Variants in XYLT1 observed in about 807,000 individuals in gnomAD.
XYLT1 encodes xylosyltransferase 1, also known as beta-D-xylosyltransferase 1.
XYLT1 carries 36 observed loss-of-function variants against 91.3 expected under a neutral mutation model. The ratio of observed to expected loss-of-function variants is 0.39; its 90% CI spans 0.30 to 0.52. The LOEUF is 0.52. Ranked by LOEUF, XYLT1 falls within the 20% of genes least tolerant of loss-of-function variation. The pLI is 0.68. For synonymous variants in XYLT1, 588 were observed against 532.0 expected, an observed-to-expected ratio of 1.11 and a Z score of -1.45; for missense variants, 1,242 against 1,284.5, an observed-to-expected ratio of 0.97 and a Z score of 0.51.
chr16:17,375,674 C>G (rs2035590442), intron 1 of XYLT1, among the ~76,000 whole-genome samples: 2 of 152,226 alleles, frequency 1.3e-5, no homozygotes, highest in African/African-American at 4.8e-5. Context: ...CAAGAGCAGT[C>G]CATGATCCAG....
chr16:17,321,326 CAAAGTACT>C (rs1231795229), intron 2 of XYLT1, among the ~76,000 whole-genome samples: 1 of 137,262 alleles, frequency 7.3e-6, no homozygotes, highest in African/African-American at 2.7e-5. Flanking sequence ...GGACAGTTCC[CAAAGTACT>C]AACTAGCCTT....
intron 3 of XYLT1, among the ~76,000 whole-genome samples, chr16:17,234,624 C>T: frequency 6.7e-6 from 1 of 149,784 alleles, no homozygotes. Flanking sequence ...TCTCTGGGAT[C>T]ATTATACATT....
At chr16:17,219,297 A>AG (rs2032919631) in intron 3 of XYLT1, among the ~76,000 whole-genome samples, 3 of 137,738 alleles carry the variant, frequency 2.2e-5, no homozygotes, top group Admixed American at 1.4e-4. Flanking sequence ...AAAAAAAAAA[A>AG]AAAAGAAAAA....
intron 2 of XYLT1, among the ~76,000 whole-genome samples, chr16:17,291,680 T>C (rs564757820): frequency 6.6e-6 from 1 of 152,282 alleles, no homozygotes; most frequent in African/African-American, 2.4e-5. Context: ...GGTACAGGAA[T>C]GAAAGCTGCT....
At chr16:17,303,146 C>T (rs2034422107) in intron 2 of XYLT1, among the ~76,000 whole-genome samples, 1 of 152,162 alleles carries the variant, frequency 6.6e-6, no homozygotes, top group South Asian at 2.1e-4. Context: ...GGGCTCCCTG[C>T]ATGAGATACA....
At chr16:17,342,457 C>T (rs910968427) in intron 2 of XYLT1, among the ~76,000 whole-genome samples, 2 of 152,192 alleles carry the variant, frequency 1.3e-5, no homozygotes, top group Non-Finnish European at 2.9e-5. Context: ...CGTGGCGGCT[C>T]ATGCCTGTAA....
intron 1 of XYLT1, among the ~76,000 whole-genome samples, chr16:17,447,470 A>G (rs1485341094): frequency 6.6e-6 from 1 of 152,234 alleles, no homozygotes; most frequent in Non-Finnish European, 1.5e-5. Context: ...CTCCGAAAAC[A>G]TTGTGTCCTG....
rs12600105 is a variant in XYLT1, at chr16:17,219,426, G to A, written c.914-18772C>T. Among the ~76,000 whole-genome samples the A allele has an allele frequency of 4.9e-4, 75 of 152,168 alleles. 1 individual carries two copies. In the East Asian group the frequency reaches 0.013, roughly 26 times the overall value. ...CTAAATAAATGTGAAATGAATGAACGCTACATCTTGTCTTTTACCATTACA... is the reference window on the plus strand; with the variant it reads ...CTAAATAAATGTGAAATGAATGAACACTACATCTTGTCTTTTACCATTACA... On this transcript the variant is annotated intron_variant, in intron 3 of 11. Transcript: ENST00000261381.
At chr16:17,120,257 G>A (rs1472164801) in intron 10 of XYLT1, among the ~76,000 whole-genome samples, 3 of 152,170 alleles carry the variant, frequency 2.0e-5, no homozygotes, top group African/African-American at 7.2e-5. Context: ...TTTTTCTAAA[G>A]AAACCCGATT....
rs575414355 is a variant in XYLT1 at position 17,215,243 on chromosome 16, C to G, written c.914-14589G>C. Among the ~76,000 whole-genome samples the G allele has an allele frequency of 4.6e-5, 7 of 152,318 alleles. No individual in the cohort carries two copies. In the South Asian group the frequency reaches 1.5e-3, roughly 32 times the overall value. On this transcript the variant is annotated intron_variant, in intron 3 of 11. Coordinates refer to ENST00000261381, the MANE Select transcript of XYLT1 (RefSeq NM_022166.4). ...TGGTGGTAGGCACCTGTAATCCCAG[C>G]TACTCAGGAGGCTGAGGCAGGAGAA...
chr16:17,123,069 A>C (rs1292465893), intron 10 of XYLT1, among the ~76,000 whole-genome samples: 1 of 151,958 alleles, frequency 6.6e-6, no homozygotes, highest in African/African-American at 2.4e-5. Flanking sequence ...GCTCTTTTTT[A>C]GTTCCATATG....
intron 2 of XYLT1, among the ~76,000 whole-genome samples, chr16:17,331,729 C>G (rs2034901470): frequency 6.6e-6 from 1 of 152,102 alleles, no homozygotes; most frequent in African/African-American, 2.4e-5. Flanking sequence ...CAGATTGAGT[C>G]CACAGCCAGG....
intron 2 of XYLT1, among the ~76,000 whole-genome samples, chr16:17,319,351 A>G (rs1184058617): frequency 6.6e-6 from 1 of 152,192 alleles, no homozygotes; most frequent in Non-Finnish European, 1.5e-5. Context: ...GCATGACAGG[A>G]AGGGTCCTGT....
chr16:17,234,814 G>C (rs2033222158), intron 3 of XYLT1, among the ~76,000 whole-genome samples: 1 of 151,968 alleles, frequency 6.6e-6, no homozygotes, highest in Admixed American at 6.6e-5. Context: ...TGATTACTTA[G>C]CCCACAGAGA....
chr16:17,353,313 G>A (rs1404474150), intron 2 of XYLT1, among the ~76,000 whole-genome samples: 3 of 152,112 alleles, frequency 2.0e-5, no homozygotes, highest in African/African-American at 7.2e-5. Context: ...TTGAGTGGAG[G>A]CCATTAGCTA....
intron 1 of XYLT1, among the ~76,000 whole-genome samples, chr16:17,454,015 A>C (rs114137088): frequency 6.6e-6 from 1 of 152,234 alleles, no homozygotes; most frequent in South Asian, 2.1e-4. Context: ...TTGCAAGACT[A>C]ATTATGAAAA....
chr16:17,405,447 C>G (rs1194003874), intron 1 of XYLT1, among the ~76,000 whole-genome samples: 1 of 152,208 alleles, frequency 6.6e-6, no homozygotes, highest in Non-Finnish European at 1.5e-5. Flanking sequence ...ACACCCCACC[C>G]AAAGACGAGA....
chr16:17,119,899 C>A (rs943369552), intron 10 of XYLT1, among the ~76,000 whole-genome samples: 1 of 152,208 alleles, frequency 6.6e-6, no homozygotes, highest in African/African-American at 2.4e-5. Flanking sequence ...TAAACCAAAT[C>A]CCTACTGCCT....
At chr16:17,415,455 C>T (rs1428300203) in intron 1 of XYLT1, among the ~76,000 whole-genome samples, 6 of 152,062 alleles carry the variant, frequency 3.9e-5, no homozygotes, top group South Asian at 2.1e-4. Context: ...TTTGGGAGGC[C>T]GAGGCGGGCG....
Sources: allele counts gnomAD v4.1 joint callset (sites outside exome capture counted in the v4.1 genomes callset), GRCh38; gene constraint gnomAD v4.1.1; transcripts MANE v1.5; gene names NCBI Gene and HGNC (gene_info 2026-07-23, HGNC 2026-07-21).